The following KCND2 variants were observed in gnomAD, a reference collection of about 807,000 sequenced individuals.
KCND2 encodes the protein potassium voltage-gated channel subfamily D member 2.
In KCND2, 16 loss-of-function variants were observed where a neutral mutation model predicts 54.4. The ratio of observed to expected loss-of-function variants is 0.29; its 90% CI spans 0.20 to 0.45. The LOEUF is 0.45. Among genes scored for constraint, KCND2 ranks in the 20% least tolerant of loss-of-function variants. KCND2 has a pLI of 1.00. For missense variants in KCND2, 486 were observed against 824.2 expected, an observed-to-expected ratio of 0.59 and a Z score of 5.02; for synonymous variants, 317 against 310.7, an observed-to-expected ratio of 1.02 and a Z score of -0.21.
At chr7:120,293,694 C>T (rs554407380) in intron 1 of KCND2, among the ~76,000 whole-genome samples, 3 of 151,844 alleles carry the variant, frequency 2.0e-5, no homozygotes, top group Non-Finnish European at 4.4e-5. Flanking sequence ...TGAGTCTGCA[C>T]CATACTCAGC....
intron 1 of KCND2, among the ~76,000 whole-genome samples, chr7:120,576,068 T>C (rs1477601776): frequency 7.4e-6 from 1 of 135,518 alleles, no homozygotes; most frequent in Non-Finnish European, 1.6e-5. Flanking sequence ...ATTGTGGATA[T>C]AGAAAAAATT....
chr7:120,743,421 G>T (rs1158884594), intron 4 of KCND2, among the ~76,000 whole-genome samples: 4 of 152,268 alleles, frequency 2.6e-5, no homozygotes, highest in Admixed American at 2.6e-4. Context: ...GAGTGAGCCA[G>T]ACCCAAGAAA....
At chr7:120,360,918 G>A (rs921945481) in intron 1 of KCND2, among the ~76,000 whole-genome samples, 1 of 151,978 alleles carries the variant, frequency 6.6e-6, no homozygotes, top group Non-Finnish European at 1.5e-5. Context: ...CTATTTATGA[G>A]CATAATCTGT....
At chr7:120,669,874 A>G (rs1791970199) in intron 1 of KCND2, among the ~76,000 whole-genome samples, 1 of 152,130 alleles carries the variant, frequency 6.6e-6, no homozygotes, top group South Asian at 2.1e-4. Flanking sequence ...AACAGTAATA[A>G]TAAAGGCTAG....
chr7:120,376,659 T>A (rs1479544531), intron 1 of KCND2, among the ~76,000 whole-genome samples: 1 of 151,736 alleles, frequency 6.6e-6, no homozygotes, highest in Non-Finnish European at 1.5e-5. Flanking sequence ...ATGGTGATAT[T>A]TAGTTTTAGC....
At chr7:120,583,784 T>G (rs1384682123) in intron 1 of KCND2, among the ~76,000 whole-genome samples, 20 of 142,580 alleles carry the variant, frequency 1.4e-4, no homozygotes, top group African/African-American at 3.6e-4. Context: ...ATAGGAATTG[T>G]GGGGGGGGGG....
chr7:120,355,706 A>G (rs1800493132), intron 1 of KCND2, among the ~76,000 whole-genome samples: 3 of 152,228 alleles, frequency 2.0e-5, no homozygotes, highest in Non-Finnish European at 4.4e-5. Context: ...TCCCCTGAAT[A>G]TCTGAATATA....
chr7:120,349,971 A>G (rs189449262), intron 1 of KCND2, among the ~76,000 whole-genome samples: 5 of 152,088 alleles, frequency 3.3e-5, no homozygotes, highest in African/African-American at 1.2e-4. Context: ...ATTATTTTTG[A>G]TATGTATATA....
chr7:120,687,435 C>T (rs1468695468), intron 1 of KCND2, among the ~76,000 whole-genome samples: 1 of 152,130 alleles, frequency 6.6e-6, no homozygotes, highest in East Asian at 1.9e-4. Context: ...GTTATTAACA[C>T]AATTTTAAAA....
intron 1 of KCND2, among the ~76,000 whole-genome samples, chr7:120,354,059 A>C (rs955267535): frequency 6.6e-6 from 1 of 152,138 alleles, no homozygotes; most frequent in Non-Finnish European, 1.5e-5. Flanking sequence ...ATGAAAGTAC[A>C]CTTATTGTCT....
At chr7:120,396,060 C>T (rs977160529) in intron 1 of KCND2, among the ~76,000 whole-genome samples, 5 of 151,950 alleles carry the variant, frequency 3.3e-5, no homozygotes, top group Non-Finnish European at 7.4e-5. Flanking sequence ...AGATAGATTA[C>T]ACAAATTTAA....
intron 1 of KCND2, among the ~76,000 whole-genome samples, chr7:120,398,396 T>A (rs879872213): frequency 2.0e-5 from 3 of 152,146 alleles, no homozygotes; most frequent in Non-Finnish European, 2.9e-5. Context: ...CTGTGCTAGA[T>A]GACTAGGATA....
At chr7:120,295,466 T>C (rs1259905357) in intron 1 of KCND2, among the ~76,000 whole-genome samples, 3 of 151,462 alleles carry the variant, frequency 2.0e-5, no homozygotes, top group African/African-American at 7.3e-5. Context: ...ATAAAACTTA[T>C]GTCAGGAAAT....
intron 1 of KCND2, among the ~76,000 whole-genome samples, chr7:120,643,609 G>C (rs927722641): frequency 1.3e-5 from 2 of 151,928 alleles, no homozygotes; most frequent in Non-Finnish European, 2.9e-5. Flanking sequence ...AGAAGCCAAA[G>C]TCCTTTGAAA....
intron 1 of KCND2, among the ~76,000 whole-genome samples, chr7:120,294,386 A>C (rs1055526424): frequency 6.6e-6 from 1 of 151,892 alleles, no homozygotes; most frequent in African/African-American, 2.4e-5. Context: ...CGAGTATGAA[A>C]TTCATTTCAG....
At chr7:120,392,970 C>T (rs988824302) in intron 1 of KCND2, among the ~76,000 whole-genome samples, 4 of 151,832 alleles carry the variant, frequency 2.6e-5, no homozygotes, top group African/African-American at 7.3e-5. Flanking sequence ...AAATAGCATG[C>T]GCTTATTATT....
At chr7:120,398,178 CACAT>C (rs150503693) in intron 1 of KCND2, among the ~76,000 whole-genome samples, 9,597 of 149,746 alleles carry the variant, frequency 0.064, 1,005 homozygotes, top group East Asian at 0.52. Context: ...CACACACACA[CACAT>C]ATATATATAT....
chr7:120,680,211 A>G lies in KCND2; in HGVS notation c.1116-52692A>G, dbSNP rs567411466. ...TGCTAGAAGTTGGAATAGAAAATAT[A>G]TGATCCCTGCCTCTTTGCTCTCTGG... is the stretch of plus-strand genomic sequence containing the variant. On this transcript the variant is annotated intron_variant, in intron 1 of 5. Coordinates refer to ENST00000331113, the MANE Select transcript of KCND2 (RefSeq NM_012281.3). 4.8e-4 allele frequency among the ~76,000 whole-genome samples: 73 copies of G among 152,232 alleles called. 1 individual carries two copies. Among genetic ancestry groups the G allele is most frequent in the Non-Finnish European group, 7.6e-4 (52 of 67,974 alleles).
chr7:120,505,860 T>C (rs1338731161), intron 1 of KCND2, among the ~76,000 whole-genome samples: 2 of 151,878 alleles, frequency 1.3e-5, no homozygotes, highest in East Asian at 1.9e-4. Context: ...GTGCAAGTTG[T>C]TCTTATAACA....
Sources: allele counts gnomAD v4.1 joint callset (sites outside exome capture counted in the v4.1 genomes callset), GRCh38; gene constraint gnomAD v4.1.1; transcripts MANE v1.5; gene names NCBI Gene and HGNC (gene_info 2026-07-23, HGNC 2026-07-21).